The following MOV10 variants were observed in gnomAD, a reference collection of about 807,000 sequenced individuals.
MOV10 encodes Mov10 RNA helicase.
In MOV10, 39 loss-of-function variants were observed where a neutral mutation model predicts 108.4. The observed-to-expected ratio is 0.36, with a 90% CI of 0.28 to 0.47. The LOEUF is 0.47. Among genes scored for constraint, MOV10 ranks in the 20% least tolerant of loss-of-function variants. MOV10 has a pLI of 1.00. For synonymous variants in MOV10, 490 were observed against 523.1 expected, an observed-to-expected ratio of 0.94 and a Z score of 0.86; for missense variants, 952 against 1,297.6, an observed-to-expected ratio of 0.73 and a Z score of 4.09.
intron 2 of MOV10, among the ~76,000 whole-genome samples, chr1:112,680,655 CAAAA>C (rs1229116415): frequency 5.4e-5 from 2 of 36,896 alleles, no homozygotes; most frequent in Non-Finnish European, 9.6e-5. Flanking sequence ...GACTCCGTCT[CAAAA>C]AAAAAAAAAA....
Position 112,696,626 on chromosome 1 carries a change from C to G in MOV10, c.1982-4C>G, listed in dbSNP as rs372119862. ...TTTCTTCCCACACCTCTTCTGCTTC[C>G]CAGGGCTGATGGAAGTAAAGGAAAC... On this transcript the variant is annotated splice_region_variant and splice_polypyrimidine_tract_variant and intron_variant, in intron 13 of 20. Coordinates refer to ENST00000369645, the MANE Select transcript of MOV10 (RefSeq NM_001321324.2). 14 of 1,613,056 alleles carry G rather than the reference C, an allele frequency of 8.7e-6. No individual in the cohort carries two copies. In the African/African-American group the frequency reaches 1.9e-4, roughly 22 times the overall value.
intron 2 of MOV10, among the ~76,000 whole-genome samples, chr1:112,687,952 C>G (rs775300386): frequency 3.3e-5 from 5 of 152,144 alleles, no homozygotes; most frequent in Admixed American, 1.3e-4. Context: ...TCTGCTTACA[C>G]TTCGCGCTCC....
Position 112,698,696 on chromosome 1 carries a change from A to G in MOV10, c.2509-19A>G. On this transcript the variant is annotated intron_variant, in intron 16 of 20. Transcript: ENST00000369645. ...TAGGTTAATGGCACGAGAGAAAGGC[A>G]CCTGTCCCCTCCTTCCAGGTGGAGA... is the stretch of plus-strand genomic sequence containing the variant. 1 of 1,612,434 alleles carries G rather than the reference A, an allele frequency of 6.2e-7. No homozygotes were observed. Among genetic ancestry groups the G allele is most frequent in the Middle Eastern group, 1.7e-4 (1 of 6,056 alleles).
rs1407837312 is a variant in MOV10 at position 112,694,188 on chromosome 1, A to G, written c.1295+16A>G. On this transcript the variant is annotated intron_variant, in intron 8 of 20. Coordinates refer to ENST00000369645, the MANE Select transcript of MOV10 (RefSeq NM_001321324.2). The surrounding 1 kb of genome is among the most constrained non-coding windows in gnomAD (Gnocchi z 4.1). ...TTTCCATGAGGTGGGTGTTGGGGGA[A>G]CCCTGAGCTGCTGGAAGGGTCTACA... is the stretch of plus-strand genomic sequence containing the variant. The G allele has an allele frequency of 6.2e-7, 1 of 1,613,792 alleles. No individual in the cohort carries two copies. The highest frequency in any genetic ancestry group is 1.1e-5 in the South Asian group (1 of 91,060).
intron 2 of MOV10, among the ~76,000 whole-genome samples, chr1:112,677,148 A>T (rs984968897): frequency 3.9e-5 from 6 of 152,130 alleles, no homozygotes; most frequent in African/African-American, 1.4e-4. Context: ...TAGTACATAG[A>T]GGAGGTGGAA....
Position 112,698,323 on chromosome 1 carries a change from G to C in MOV10, c.2353G>C (p.Asp785His), listed in dbSNP as rs751671796. Residue 785 changes from aspartate to histidine, a missense_variant, in exon 16 of 21, where the codon GAT becomes CAT. Transcript: ENST00000369645. The part of the protein sequence containing the change: ...PIIFHGVMGK[D>H]EREGNSPSFF... ...CATCTTTCACGGCGTAATGGGCAAA[G>C]ATGAGCGTGAAGGCAACAGCCCATC... 6.2e-7 allele frequency: 1 copy of C among 1,614,214 alleles called. No homozygotes were observed. The highest frequency in any genetic ancestry group is 8.5e-7 in the Non-Finnish European group (1 of 1,180,022).
At chr1:112,698,669 A>T in intron 16 of MOV10, 46 bp from the exon 17 acceptor site, 1 of 1,582,456 alleles carries the variant, frequency 6.3e-7, no homozygotes, top group Non-Finnish European at 8.7e-7. Context: ...TCCCTCTTGC[A>T]TTAGGTTAAT....
In MOV10 at chr1:112,694,740, C is replaced by T. The variant is rs771327563; in HGVS notation, c.1473-9C>T. 1.2e-6 allele frequency: 2 copies of T among 1,613,358 alleles called. No homozygotes were observed. The highest frequency in any genetic ancestry group is 4.5e-5 in the East Asian group (2 of 44,890). On this transcript the variant is annotated splice_polypyrimidine_tract_variant and intron_variant, in intron 9 of 20. Transcript: ENST00000369645. This position sits in a 1 kb window ranked among gnomAD's most constrained non-coding sequence, Gnocchi z 4.1. ...GACTTCAAGTTCACATTCCTGGTCCCTCTGCCAGGCTGTACGACCGGAGTC... is the reference window on the plus strand; with the variant it reads ...GACTTCAAGTTCACATTCCTGGTCCTTCTGCCAGGCTGTACGACCGGAGTC...
At chr1:112,687,617 C>T (rs1189551128) in intron 2 of MOV10, among the ~76,000 whole-genome samples, 1 of 152,134 alleles carries the variant, frequency 6.6e-6, no homozygotes, top group Non-Finnish European at 1.5e-5. Flanking sequence ...ATGATCTGGT[C>T]CCTGCCCACC....
intron 2 of MOV10, among the ~76,000 whole-genome samples, chr1:112,681,521 G>A (rs952105697): frequency 5.3e-5 from 8 of 151,930 alleles, no homozygotes; most frequent in Admixed American, 2.6e-4. Context: ...CATCATCCAC[G>A]TCCTACTCTC....
intron 14 of MOV10, among the ~76,000 whole-genome samples, chr1:112,697,224 G>A (rs1674185650): frequency 6.6e-6 from 1 of 152,090 alleles, no homozygotes; most frequent in Non-Finnish European, 1.5e-5. Context: ...GGGAGGCCAA[G>A]GTAGGTCAGG....
Position 112,697,188 on chromosome 1 carries a change from G to A in MOV10, c.2198+342G>A, listed in dbSNP as rs1014274906. Among the ~76,000 whole-genome samples the A allele has an allele frequency of 2.6e-5, 4 of 152,122 alleles. No individual in the cohort carries two copies. The South Asian group carries it at 8.3e-4, about 31-fold the overall frequency. On this transcript the variant is annotated intron_variant, in intron 14 of 20. Coordinates refer to ENST00000369645, the MANE Select transcript of MOV10 (RefSeq NM_001321324.2). Reference sequence around the variant, plus strand: ...AATAGGGAGGAGGTCGGGCACAGTGGCTCATGGCTGTAATCCCAGCACTTT... The same window carrying A: ...AATAGGGAGGAGGTCGGGCACAGTGACTCATGGCTGTAATCCCAGCACTTT...
intron 2 of MOV10, among the ~76,000 whole-genome samples, chr1:112,681,021 G>A (rs974188045): frequency 5.3e-5 from 8 of 151,808 alleles, no homozygotes; most frequent in Admixed American, 6.6e-5. Flanking sequence ...CTTTTTGCAG[G>A]CATGCTTATA....
At chr1:112,680,392 C>T (rs1483031659) in intron 2 of MOV10, among the ~76,000 whole-genome samples, 4 of 152,008 alleles carry the variant, frequency 2.6e-5, no homozygotes, top group Non-Finnish European at 5.9e-5. Context: ...CGCGGTGGCT[C>T]ACGCCTGTAA....
chr1:112,695,451 C>G lies in MOV10; in HGVS notation c.1656C>G (p.Ala552=). Residue 552 remains alanine (A), a synonymous_variant, in exon 11 of 21, where the codon GCC becomes GCG. Coordinates refer to ENST00000369645, the MANE Select transcript of MOV10 (RefSeq NM_001321324.2). The stretch of plus-strand genomic sequence containing the variant: ...ACTTGCCCAAAGCCCACATCTTGGC[C>G]TGCGCTCCATCCAACTCAGGGGCTG... ...VKHLPKAHIL[A]CAPSNSGADL... is the part of the protein sequence containing the mutation. 1 of 1,614,208 alleles carries G rather than the reference C, an allele frequency of 6.2e-7. No homozygotes were observed. The highest frequency in any genetic ancestry group is 1.1e-5 in the South Asian group (1 of 91,082).
intron 3 of MOV10, 40 bp from the exon 4 acceptor site, chr1:112,689,375 G>A (rs772600828): frequency 9.1e-6 from 13 of 1,428,758 alleles, no homozygotes; most frequent in Admixed American, 5.1e-5. Flanking sequence ...CAGTCAGACC[G>A]CTCCCACCCC....
Position 112,694,322 on chromosome 1 carries a change from C to T in MOV10, c.1296-131C>T. 7.1e-7 allele frequency: 1 copy of T among 1,416,356 alleles called. No homozygotes were observed. The highest frequency in any genetic ancestry group is 9.8e-7 in the Non-Finnish European group (1 of 1,021,818). 87.7% of individuals were successfully genotyped at this position (1,416,356 alleles called of 1,614,324 possible). A position where few individuals can be genotyped will look rare whatever the true frequency, so the allele number is the denominator to read the frequency against. On this transcript the variant is annotated intron_variant, in intron 8 of 20. Coordinates refer to ENST00000369645, the MANE Select transcript of MOV10 (RefSeq NM_001321324.2). The surrounding 1 kb of genome is among the most constrained non-coding windows in gnomAD (Gnocchi z 4.1). ...GTACCCTGAGATGCTACGGCAGCTTCCTCTTCTAGAGAACTTGCATAGAGG... is the reference window on the plus strand; with the variant it reads ...GTACCCTGAGATGCTACGGCAGCTTTCTCTTCTAGAGAACTTGCATAGAGG...
chr1:112,700,045 C>T (rs1674505876), intron 19 of MOV10, 63 bp downstream of exon 19: 12 of 1,597,786 alleles, frequency 7.5e-6, no homozygotes, highest in Non-Finnish European at 1.0e-5. Context: ...GCAGGTGGAT[C>T]TTTTTTAAGC....
Position 112,698,917 on chromosome 1 carries a change from G to T in MOV10, c.2583+128G>T, listed in dbSNP as rs765521434. On this transcript the variant is annotated intron_variant, in intron 17 of 20. Transcript: ENST00000369645. ...ACCCCTGCTGCCTTGAATAGAGCTC[G>T]AGCTCTCCCTGAGCCTCTCACTCCT... The T allele has an allele frequency of 8.9e-6, 7 of 790,892 alleles. No homozygotes were observed. The East Asian group carries it at 1.7e-4, about 19-fold the overall frequency. 49.0% of individuals were successfully genotyped at this position (790,892 alleles called of 1,614,324 possible).
Sources: allele counts gnomAD v4.1 joint callset (sites outside exome capture counted in the v4.1 genomes callset), GRCh38; gene constraint gnomAD v4.1.1; non-coding constraint Gnocchi (gnomAD v3.1); transcripts MANE v1.5; gene names NCBI Gene and HGNC (gene_info 2026-07-23, HGNC 2026-07-21).